Variants in UGGT2 observed in about 807,000 individuals in gnomAD.
The protein encoded by UGGT2 is UDP-glucose glycoprotein glucosyltransferase 2.
Under a neutral mutation model 192.1 loss-of-function variants are expected in UGGT2, and 180 were observed. The observed-to-expected ratio is 0.94, with a 90% CI of 0.83 to 1.06. UGGT2 has a LOEUF of 1.06. UGGT2 is among the 50% of genes least tolerant of loss of function. The pLI is 0.00. For missense variants in UGGT2, 1,849 were observed against 1,795.7 expected, an observed-to-expected ratio of 1.03 and a Z score of -0.54; for synonymous variants, 580 against 591.0, an observed-to-expected ratio of 0.98 and a Z score of 0.27.
At chr13:95,822,493 C>A (rs1885607379) in intron 38 of UGGT2, among the ~76,000 whole-genome samples, 1 of 151,946 alleles carries the variant, frequency 6.6e-6, no homozygotes, top group African/African-American at 2.4e-5. Context: ...GTGAACAGCA[C>A]TAGTTTGACT....
chr13:95,935,959 TGGGACTAGA>T (rs2049449357), intron 17 of UGGT2, among the ~76,000 whole-genome samples: 1 of 152,160 alleles, frequency 6.6e-6, no homozygotes, highest in Non-Finnish European at 1.5e-5. Context: ...TTCGAGCAGC[TGGGACTAGA>T]GGCACTCATC....
chr13:95,867,460 A>AAT, intron 29 of UGGT2, 37 bp from the exon 30 acceptor site: 1 of 1,514,078 alleles, frequency 6.6e-7, no homozygotes, highest in Non-Finnish European at 9.0e-7. Flanking sequence ...TTAATTTAAG[A>AAT]ATAGACATAC....
intron 4 of UGGT2, among the ~76,000 whole-genome samples, chr13:96,018,163 C>A (rs890830620): frequency 1.8e-4 from 27 of 152,086 alleles, no homozygotes; most frequent in African/African-American, 6.0e-4. Flanking sequence ...ATTTCCTATT[C>A]CCTGGTTCAA....
intron 34 of UGGT2, among the ~76,000 whole-genome samples, chr13:95,855,328 A>G (rs577801251): frequency 2.0e-5 from 3 of 151,884 alleles, no homozygotes; most frequent in South Asian, 2.1e-4. Flanking sequence ...CATAAATTCT[A>G]ACTTATCCAT....
At chr13:96,013,881 A>G (rs1214220881) in intron 4 of UGGT2, among the ~76,000 whole-genome samples, 1 of 152,184 alleles carries the variant, frequency 6.6e-6, no homozygotes, top group Non-Finnish European at 1.5e-5. Flanking sequence ...AAAGACTATC[A>G]GTACTTAGTA....
chr13:96,003,170 G>T (rs185564844), intron 5 of UGGT2, among the ~76,000 whole-genome samples: 1 of 152,260 alleles, frequency 6.6e-6, no homozygotes, highest in African/African-American at 2.4e-5. Flanking sequence ...TAAACTTATT[G>T]TGTGTTCTGT....
chr13:95,816,780 G>A (rs886066458), intron 38 of UGGT2, among the ~76,000 whole-genome samples: 1 of 152,188 alleles, frequency 6.6e-6, no homozygotes, highest in South Asian at 2.1e-4. Flanking sequence ...TAAGGAAAAT[G>A]TTCTACATCT....
chr13:95,860,823 T>C lies in UGGT2; in HGVS notation c.3705A>G (p.Ser1235=). The change falls in exon 32 of 39, where the codon TCA becomes TCG. Residue 1235 remains serine (S), a synonymous_variant. Transcript: ENST00000376747. ...GTTCATATAAATGACCAGAAGCAAC[T>C]GAAAAAATGTTTAGGACATCTTTTT... The part of the protein sequence containing the change: ...KKEKDVLNIF[S]VASGHLYERF... 6.4e-7 allele frequency: 1 copy of C among 1,566,688 alleles called. No individual in the cohort carries two copies. Among genetic ancestry groups the C allele is most frequent in the Non-Finnish European group, 8.6e-7 (1 of 1,157,662 alleles).
chr13:95,894,451 C>G, intron 24 of UGGT2, 111 bp downstream of exon 24: 2 of 784,218 alleles, frequency 2.6e-6, no homozygotes, highest in Non-Finnish European at 4.1e-6. Flanking sequence ...CATTTATTCC[C>G]TAATAAATAA....
intron 5 of UGGT2, among the ~76,000 whole-genome samples, chr13:96,007,782 C>A (rs910225209): frequency 6.6e-6 from 1 of 151,958 alleles, no homozygotes; most frequent in African/African-American, 2.4e-5. Flanking sequence ...TGAAAGGAAT[C>A]GAAGAGAACA....
intron 11 of UGGT2, 48 bp downstream of exon 11, chr13:95,972,529 TTTA>T (rs2050805051): frequency 7.1e-7 from 1 of 1,414,082 alleles, no homozygotes; most frequent in Non-Finnish European, 9.9e-7. Context: ...CAAGACAATG[TTTA>T]TTTTTATATA....
At chr13:95,874,720 C>G (rs1891514874) in intron 29 of UGGT2, among the ~76,000 whole-genome samples, 1 of 151,920 alleles carries the variant, frequency 6.6e-6, no homozygotes, top group African/African-American at 2.4e-5. Flanking sequence ...GAGACAGGGT[C>G]TCACTCTGTT....
chr13:95,952,952 C>G (rs2050111195), intron 12 of UGGT2, among the ~76,000 whole-genome samples: 1 of 152,116 alleles, frequency 6.6e-6, no homozygotes, highest in Non-Finnish European at 1.5e-5. Context: ...TATGGAGTGA[C>G]TCTTACTGAA....
At chr13:95,945,197 A>G (rs1451411901) in intron 15 of UGGT2, among the ~76,000 whole-genome samples, 1 of 151,996 alleles carries the variant, frequency 6.6e-6, no homozygotes, top group African/African-American at 2.4e-5. Context: ...ACTTCCATAT[A>G]TTTTATTATT....
intron 12 of UGGT2, among the ~76,000 whole-genome samples, chr13:95,963,022 T>C (rs1025199703): frequency 2.0e-5 from 3 of 152,034 alleles, no homozygotes; most frequent in African/African-American, 7.2e-5. Context: ...GAGAACAGCA[T>C]GGAAAGACCT....
At chr13:95,805,433 T>C (rs764157749) in intron 38 of UGGT2, among the ~76,000 whole-genome samples, 11 of 152,004 alleles carry the variant, frequency 7.2e-5, no homozygotes, top group African/African-American at 1.7e-4. Flanking sequence ...GACATACATA[T>C]CCAAAATAAT....
intron 7 of UGGT2, among the ~76,000 whole-genome samples, chr13:95,993,197 T>C (rs530462547): frequency 6.6e-6 from 1 of 152,168 alleles, no homozygotes; most frequent in African/African-American, 2.4e-5. Flanking sequence ...AAGCATTGGG[T>C]ATACACGAAC....
intron 10 of UGGT2, among the ~76,000 whole-genome samples, chr13:95,974,506 A>G (rs1234974140): frequency 6.6e-6 from 1 of 152,210 alleles, no homozygotes; most frequent in Non-Finnish European, 1.5e-5. Flanking sequence ...GCCTTGAACA[A>G]TAATGCTCAG....
intron 12 of UGGT2, among the ~76,000 whole-genome samples, chr13:95,967,537 G>A (rs1238875534): frequency 3.5e-5 from 5 of 141,572 alleles, no homozygotes; most frequent in South Asian, 2.2e-4. Flanking sequence ...GCAGTAGGGC[G>A]ATCCTGGCTC....
Sources: allele counts gnomAD v4.1 joint callset (sites outside exome capture counted in the v4.1 genomes callset), GRCh38; gene constraint gnomAD v4.1.1; transcripts MANE v1.5; gene names NCBI Gene and HGNC (gene_info 2026-07-23, HGNC 2026-07-21).